The following ADAMTS6 variants were observed in gnomAD, a reference collection of about 807,000 sequenced individuals.
ADAMTS6 encodes A disintegrin and metalloproteinase with thrombospondin motifs 6.
ADAMTS6 carries 23 observed loss-of-function variants against 144.3 expected under a neutral mutation model. That is an observed-to-expected ratio of 0.16 (90% CI 0.11 to 0.23). The LOEUF (loss-of-function observed/expected upper bound fraction) is 0.23, where lower values mean the gene tolerates loss of function less well. Among genes scored for constraint, ADAMTS6 ranks in the 10% least tolerant of loss-of-function variants. The pLI is 1.00. For synonymous variants in ADAMTS6, 444 were observed against 457.5 expected, an observed-to-expected ratio of 0.97 and a Z score of 0.38; for missense variants, 999 against 1,379.6, an observed-to-expected ratio of 0.72 and a Z score of 4.37.
chr5:65,289,420 C>G (rs1725831593), intron 11 of ADAMTS6, among the ~76,000 whole-genome samples: 1 of 152,122 alleles, frequency 6.6e-6, no homozygotes, highest in African/African-American at 2.4e-5. Context: ...GTAATCCCAG[C>G]TACTCAGAGG....
intron 7 of ADAMTS6, among the ~76,000 whole-genome samples, chr5:65,359,894 G>A (rs1392926621): frequency 6.6e-6 from 1 of 152,132 alleles, no homozygotes; most frequent in African/African-American, 2.4e-5. Context: ...TAAAGTTTCA[G>A]TTAGGATACA....
At chr5:65,151,983 G>C in intron 24 of ADAMTS6, 38 bp from the exon 25 acceptor site, 3 of 1,551,972 alleles carry the variant, frequency 1.9e-6, no homozygotes, top group Non-Finnish European at 2.7e-6. Context: ...ACAATTAGAG[G>C]CACATAAACA....
At chr5:65,438,794 A>C (rs1293283624) in intron 7 of ADAMTS6, among the ~76,000 whole-genome samples, 1 of 152,242 alleles carries the variant, frequency 6.6e-6, no homozygotes, top group Admixed American at 6.5e-5. Flanking sequence ...CAGAACATAA[A>C]AATATATTTG....
At chr5:65,408,077 G>C (rs1754721122) in intron 7 of ADAMTS6, among the ~76,000 whole-genome samples, 1 of 152,180 alleles carries the variant, frequency 6.6e-6, no homozygotes, top group African/African-American at 2.4e-5. Flanking sequence ...ATGCTAGGAA[G>C]AAACTACATA....
chr5:65,315,077 A>AT (rs1744861952), intron 9 of ADAMTS6, among the ~76,000 whole-genome samples: 1 of 152,152 alleles, frequency 6.6e-6, no homozygotes, highest in Admixed American at 6.5e-5. Flanking sequence ...AATTGATATA[A>AT]AAGATAACTA....
intron 9 of ADAMTS6, among the ~76,000 whole-genome samples, chr5:65,305,084 T>C (rs1743801850): frequency 6.6e-6 from 1 of 151,976 alleles, no homozygotes; most frequent in Admixed American, 6.6e-5. Context: ...CATGCTGAAA[T>C]GTTTAGGAAT....
chr5:65,283,420 C>T (rs1309239141), intron 11 of ADAMTS6, among the ~76,000 whole-genome samples: 2 of 151,556 alleles, frequency 1.3e-5, no homozygotes, highest in Non-Finnish European at 2.9e-5. Flanking sequence ...TAACTAATCA[C>T]CAACTTAAAA....
At chr5:65,346,223 T>C in intron 7 of ADAMTS6, among the ~76,000 whole-genome samples, 1 of 151,820 alleles carries the variant, frequency 6.6e-6, no homozygotes, top group East Asian at 1.9e-4. Flanking sequence ...CTCATTGATA[T>C]AGATGCAAAA....
chr5:65,220,247 G>A (rs1182721533), intron 18 of ADAMTS6, among the ~76,000 whole-genome samples: 3 of 151,992 alleles, frequency 2.0e-5, no homozygotes, highest in African/African-American at 4.8e-5. Context: ...TAAGTCATGA[G>A]TCACAAGATA....
intron 3 of ADAMTS6, among the ~76,000 whole-genome samples, chr5:65,468,435 TCAA>T (rs1760188932): frequency 8.8e-6 from 1 of 114,224 alleles, no homozygotes; most frequent in African/African-American, 3.4e-5. Flanking sequence ...AGACCCTGTC[TCAA>T]AAAAAAAAAA....
At chr5:65,411,260 G>T (rs985645231) in intron 7 of ADAMTS6, among the ~76,000 whole-genome samples, 2 of 152,112 alleles carry the variant, frequency 1.3e-5, no homozygotes, top group Non-Finnish European at 2.9e-5. Context: ...GGGAGTGCAC[G>T]TATCTCTTCA....
At position 65,171,942 on chromosome 5, in the gene ADAMTS6, C is replaced by T. The variant is rs535808615; in HGVS notation, c.3087+890G>A. On this transcript the variant is annotated intron_variant, in intron 23 of 24. Transcript: ENST00000381055. Reference sequence around the variant, plus strand: ...CTGGGTTAATCTATGGGCCTGCCATCGAGAATACCAGAAAGCCTATGAAAT... The same window carrying T: ...CTGGGTTAATCTATGGGCCTGCCATTGAGAATACCAGAAAGCCTATGAAAT... 7.9e-5 allele frequency among the ~76,000 whole-genome samples: 12 copies of T among 151,654 alleles called. No homozygotes were observed. In the East Asian group the frequency reaches 1.2e-3, roughly 15 times the overall value.
At position 65,206,819 on chromosome 5, in the gene ADAMTS6, T is replaced by TTC. The variant is rs1209937051; in HGVS notation, c.2575+7973_2575+7974dup. On this transcript the variant is annotated intron_variant, in intron 20 of 24. Transcript: ENST00000381055. Reference sequence around the variant, plus strand: ...CTTCTATGTTTATATGCTGTTTTTTTTCTCTCTCTCTCTCTCTCTCACACA... The same window carrying TTC: ...CTTCTATGTTTATATGCTGTTTTTTTTCTCTCTCTCTCTCTCTCTCTCACACA... Among the ~76,000 whole-genome samples, 565 of 124,470 alleles carry TTC rather than the reference T, an allele frequency of 4.5e-3. 1 individual carries two copies. The highest frequency in any genetic ancestry group is 0.015 in the African/African-American group (478 of 31,176). The allele number at this position is 124,470 out of a possible 152,430, so 81.7% of individuals were successfully genotyped here.
chr5:65,269,690 T>C (rs1339665329), intron 12 of ADAMTS6, among the ~76,000 whole-genome samples: 2 of 152,130 alleles, frequency 1.3e-5, no homozygotes, highest in African/African-American at 4.8e-5. Context: ...TTCTGTAAAA[T>C]GGAGTTAAAA....
rs574454324 is a variant in ADAMTS6 at position 65,230,314 on chromosome 5, A to AAT, written c.1934-4097_1934-4096dup. Reference sequence around the variant, plus strand: ...TATATATATATATATATATATATGAAATATATATAATACATTATATATATG... The same window carrying AAT: ...TATATATATATATATATATATATGAAATATATATATAATACATTATATATATG... On this transcript the variant is annotated intron_variant, in intron 15 of 24. Transcript: ENST00000381055. Among the ~76,000 whole-genome samples, 5 of 90,482 alleles carry AAT rather than the reference A, an allele frequency of 5.5e-5. 1 individual carries two copies. The highest frequency in any genetic ancestry group is 2.8e-4 in the African/African-American group (5 of 17,678). 59.4% of individuals were successfully genotyped at this position (90,482 alleles called of 152,430 possible). A position where few individuals can be genotyped will look rare whatever the true frequency, so the allele number is the denominator to read the frequency against.
At chr5:65,393,614 A>C (rs1753099109) in intron 7 of ADAMTS6, among the ~76,000 whole-genome samples, 2 of 152,198 alleles carry the variant, frequency 1.3e-5, no homozygotes, top group African/African-American at 4.8e-5. Context: ...AAACATCCTC[A>C]ATGCCTGTCA....
chr5:65,224,125 C>T (rs747364574), intron 18 of ADAMTS6, among the ~76,000 whole-genome samples, 195 bp downstream of exon 18: 16 of 151,874 alleles, frequency 1.1e-4, no homozygotes, highest in Non-Finnish European at 1.9e-4. Context: ...ATAAAATAAC[C>T]CGGTGAAGAG....
chr5:65,338,212 T>C (rs189411687), intron 7 of ADAMTS6, among the ~76,000 whole-genome samples: 12 of 152,372 alleles, frequency 7.9e-5, no homozygotes, highest in Non-Finnish European at 1.8e-4. Flanking sequence ...TAATAACGGC[T>C]TCAGATGAAA....
chr5:65,474,317 A>C (rs1649613911), intron 1 of ADAMTS6, among the ~76,000 whole-genome samples: 1 of 152,136 alleles, frequency 6.6e-6, no homozygotes, highest in African/African-American at 2.4e-5. Flanking sequence ...ACAATATGTA[A>C]TCCCATTCCA....
Sources: allele counts gnomAD v4.1 joint callset (sites outside exome capture counted in the v4.1 genomes callset), GRCh38; gene constraint gnomAD v4.1.1; transcripts MANE v1.5; gene names NCBI Gene and HGNC (gene_info 2026-07-23, HGNC 2026-07-21).